The following CAST variants were observed in gnomAD, a reference collection of about 807,000 sequenced individuals.
CAST encodes calpastatin.
In CAST, 76 loss-of-function variants were observed where a neutral mutation model predicts 119.6. The ratio of observed to expected loss-of-function variants is 0.64; its 90% CI spans 0.53 to 0.77. The LOEUF (loss-of-function observed/expected upper bound fraction) is 0.77, where lower values mean the gene tolerates loss of function less well. CAST is among the 30% of genes least tolerant of loss of function. The pLI, the probability that CAST is intolerant of heterozygous loss-of-function variation, is 0.00. For missense variants in CAST, 953 were observed against 946.5 expected, an observed-to-expected ratio of 1.01 and a Z score of -0.09; for synonymous variants, 319 against 331.6, an observed-to-expected ratio of 0.96 and a Z score of 0.41.
chr5:96,439,124 A>G, the CAST span, among the ~76,000 whole-genome samples: 3 of 152,188 alleles, frequency 2.0e-5, no homozygotes, highest in African/African-American at 7.2e-5. Context: ...CTTTCCATTA[A>G]ATGTGTTAAG....
intron 1 of CAST, among the ~76,000 whole-genome samples, chr5:96,581,662 G>A (rs993927464): frequency 7.2e-5 from 11 of 152,100 alleles, no homozygotes; most frequent in Admixed American, 7.2e-4. Context: ...AGGCCGAGAC[G>A]GGCGGATCAC....
chr5:96,741,637 C>A, intron 15 of CAST, 57 bp downstream of exon 15: 1 of 1,134,874 alleles, frequency 8.8e-7, no homozygotes, highest in Non-Finnish European at 1.3e-6. Flanking sequence ...CTAGCTCATT[C>A]AGGAAACTGC....
intron 1 of CAST, among the ~76,000 whole-genome samples, chr5:96,604,585 G>A (rs549420253): frequency 2.0e-5 from 3 of 152,172 alleles, no homozygotes; most frequent in African/African-American, 7.2e-5. Context: ...TTCCAGGTAC[G>A]GGGATAGGGC....
chr5:96,672,523 A>G (rs1017487837), intron 1 of CAST, among the ~76,000 whole-genome samples: 6 of 152,060 alleles, frequency 3.9e-5, no homozygotes, highest in Admixed American at 3.9e-4. Context: ...CCTGATCAAC[A>G]TGTCAAAACC....
At chr5:96,394,169 T>C in the CAST span, among the ~76,000 whole-genome samples, 1 of 152,166 alleles carries the variant, frequency 6.6e-6, no homozygotes, top group Admixed American at 6.5e-5. Flanking sequence ...CAGGGCGTTC[T>C]GAAAATTCTG....
At chr5:96,315,455 G>C in the CAST span, among the ~76,000 whole-genome samples, 1 of 152,176 alleles carries the variant, frequency 6.6e-6, no homozygotes, top group African/African-American at 2.4e-5. Context: ...CCTTAGACTG[G>C]TCAGTATATG....
chr5:96,727,356 A>G, intron 5 of CAST, 133 bp from the exon 6 acceptor site: 1 of 526,308 alleles, frequency 1.9e-6, no homozygotes, highest in Admixed American at 3.7e-5. Flanking sequence ...CTTAACTGAT[A>G]ATGTTTATAA....
the CAST span, among the ~76,000 whole-genome samples, chr5:96,288,176 A>G: frequency 6.6e-6 from 1 of 152,168 alleles, no homozygotes; most frequent in Non-Finnish European, 1.5e-5. Context: ...TGCACCTGGA[A>G]AGAATGCTGT....
the CAST span, among the ~76,000 whole-genome samples, chr5:96,081,050 G>A: frequency 5.9e-5 from 9 of 152,278 alleles, no homozygotes; most frequent in South Asian, 2.1e-4. Context: ...GAATCAAAAG[G>A]CCTATGTGCC....
At chr5:96,558,479 A>C (rs1481018964) in intron 1 of CAST, among the ~76,000 whole-genome samples, 6 of 152,214 alleles carry the variant, frequency 3.9e-5, no homozygotes, top group Admixed American at 3.9e-4. Flanking sequence ...ATAAAGAAGA[A>C]AAGAGAGAAG....
chr5:96,558,688 A>G (rs983134094), intron 1 of CAST, among the ~76,000 whole-genome samples: 2 of 152,244 alleles, frequency 1.3e-5, no homozygotes, highest in South Asian at 4.1e-4. Flanking sequence ...TACATCAATG[A>G]TTGGCTCTGA....
the CAST span, among the ~76,000 whole-genome samples, chr5:96,165,054 T>C: frequency 6.6e-6 from 1 of 152,110 alleles, no homozygotes; most frequent in Admixed American, 6.5e-5. Context: ...AATATTTTGA[T>C]TTTGAGAAGA....
At chr5:96,432,822 C>T in the CAST span, 3 of 1,583,422 alleles carry the variant, frequency 1.9e-6, no homozygotes, top group Middle Eastern at 2.2e-4. Context: ...CCGCCAGTCC[C>T]CTGGGGCCCC....
the CAST span, among the ~76,000 whole-genome samples, chr5:96,459,259 G>A: frequency 2.0e-5 from 3 of 152,062 alleles, no homozygotes; most frequent in Admixed American, 6.6e-5. Flanking sequence ...TTGGCAATAC[G>A]AACATGACAG....
intron 1 of CAST, among the ~76,000 whole-genome samples, chr5:96,625,740 T>C (rs1306145793): frequency 6.6e-6 from 1 of 152,256 alleles, no homozygotes; most frequent in Non-Finnish European, 1.5e-5. Flanking sequence ...GAAGGACAGA[T>C]GGCTGACAGC....
chr5:96,363,763 C>G, the CAST span, among the ~76,000 whole-genome samples: 1 of 152,136 alleles, frequency 6.6e-6, no homozygotes, highest in Non-Finnish European at 1.5e-5. Flanking sequence ...TCTAAATATA[C>G]AATCATGTCA....
chr5:96,452,736 G>T, the CAST span, among the ~76,000 whole-genome samples: 2 of 143,996 alleles, frequency 1.4e-5, no homozygotes, highest in Admixed American at 1.4e-4. Context: ...GGATCATGAG[G>T]TCAGGAGATC....
At chr5:96,085,218 G>T in the CAST span, among the ~76,000 whole-genome samples, 1 of 151,982 alleles carries the variant, frequency 6.6e-6, no homozygotes, top group African/African-American at 2.4e-5. Flanking sequence ...AATGTCTACT[G>T]TCTATCAATT....
chr5:96,348,324 T>TACCTTTC, the CAST span, among the ~76,000 whole-genome samples: 1 of 151,968 alleles, frequency 6.6e-6, no homozygotes, highest in Non-Finnish European at 1.5e-5. Context: ...TTTGTTTTGT[T>TACCTTTC]TTTAAATTTG....
Sources: gnomAD v4.1 joint callset for allele counts (sites outside exome capture counted in the v4.1 genomes callset) on GRCh38, gnomAD v4.1.1 for gene constraint, MANE v1.5 for transcripts, NCBI Gene and HGNC (gene_info 2026-07-23, HGNC 2026-07-21) for gene names.